The following STARD9 variants were observed in gnomAD, a reference collection of about 807,000 sequenced individuals.
The protein encoded by STARD9 is stAR-related lipid transfer protein 9.
Under a neutral mutation model 399.8 loss-of-function variants are expected in STARD9, and 346 were observed. The observed-to-expected ratio is 0.87, with a 90% CI of 0.79 to 0.95. The LOEUF (loss-of-function observed/expected upper bound fraction) is 0.95. STARD9 is among the 40% of genes least tolerant of loss of function. The pLI is 0.00. For synonymous variants in STARD9, 2,203 were observed against 2,143.5 expected, an observed-to-expected ratio of 1.03 and a Z score of -0.77; for missense variants, 5,832 against 5,667.5, an observed-to-expected ratio of 1.03 and a Z score of -0.93.
chr15:42,684,977 C>T lies in STARD9; in HGVS notation c.3399C>T (p.Phe1133=). The T allele has an allele frequency of 6.5e-7, 1 of 1,537,024 alleles. No homozygotes were observed. The highest frequency in any genetic ancestry group is 8.7e-7 in the Non-Finnish European group (1 of 1,146,926). The change falls in exon 23 of 33, where the codon TTC becomes TTT. Residue 1133 remains phenylalanine, a synonymous_variant. Transcript: ENST00000290607. ...PLKPEERKWD[F]PEPENSESDD... ...AGCCAGAGGAGAGGAAATGGGATTT[C>T]CCAGAGCCAGAGAACTCTGAAAGTG...
chr15:42,651,311 A>G (rs1009955177), intron 8 of STARD9, among the ~76,000 whole-genome samples: 1 of 152,162 alleles, frequency 6.6e-6, no homozygotes. Flanking sequence ...TTCTGGACAT[A>G]ATAATATTAG....
chr15:42,674,435 T>C lies in STARD9; in HGVS notation c.1498-5T>C, dbSNP rs2060267705. The stretch of plus-strand genomic sequence containing the variant: ...CTCATTAAAATGGCTTTTTTCCCCC[T>C]TTAGGAAGGGACAACAAAAATAGGA... On this transcript the variant is annotated splice_region_variant and splice_polypyrimidine_tract_variant and intron_variant, in intron 16 of 32. Coordinates refer to ENST00000290607, the MANE Select transcript of STARD9 (RefSeq NM_020759.3). 5 of 1,536,918 alleles carry C rather than the reference T, an allele frequency of 3.3e-6. No individual in the cohort carries two copies. The highest frequency in any genetic ancestry group is 1.7e-4 in the Middle Eastern group (1 of 5,990).
intron 9 of STARD9, among the ~76,000 whole-genome samples, chr15:42,660,655 G>T (rs2059977780): frequency 6.6e-6 from 1 of 151,906 alleles, no homozygotes; most frequent in South Asian, 2.1e-4. Context: ...ATTGAATCGG[G>T]GTTGGGGGCA....
intron 9 of STARD9, among the ~76,000 whole-genome samples, chr15:42,660,345 ACCTG>A (rs2059969706): frequency 6.6e-6 from 1 of 152,168 alleles, no homozygotes; most frequent in Admixed American, 6.5e-5. Context: ...CAGGCAGATC[ACCTG>A]AGGTCAGGAG....
chr15:42,674,839 A>C lies in STARD9; in HGVS notation c.1562A>C (p.Gln521Pro). 7 of 1,532,748 alleles carry C rather than the reference A, an allele frequency of 4.6e-6. No homozygotes were observed. Among genetic ancestry groups the C allele is most frequent in the Non-Finnish European group, 5.2e-6 (6 of 1,145,126 alleles). 94.9% of individuals were successfully genotyped at this position (1,532,748 alleles called of 1,614,324 possible). Reference sequence around the variant, plus strand: ...ACCTCTTTTGTAGTCCTGCAGGGTCAGTGGATTGAGAGAGACCACTGCACT... The same window carrying C: ...ACCTCTTTTGTAGTCCTGCAGGGTCCGTGGATTGAGAGAGACCACTGCACT... ...DQEQDIVLQG[Q>P]WIERDHCTIT... is the part of the protein sequence containing the mutation. The change falls in exon 18 of 33, where the codon CAG (glutamine) becomes CCG (proline). Residue 521 changes from glutamine (Q) to proline (P), a missense_variant. Coordinates refer to ENST00000290607, the MANE Select transcript of STARD9 (RefSeq NM_020759.3).
chr15:42,609,292 C>T (rs2141800462), intron 3 of STARD9, among the ~76,000 whole-genome samples: 1 of 152,296 alleles, frequency 6.6e-6, no homozygotes, highest in Middle Eastern at 3.4e-3. Flanking sequence ...GACCCAAGTC[C>T]TCTCTCTAAC....
intron 3 of STARD9, among the ~76,000 whole-genome samples, chr15:42,597,763 C>T (rs1470227117): frequency 6.6e-6 from 1 of 151,996 alleles, no homozygotes; most frequent in East Asian, 1.9e-4. Flanking sequence ...TCTCGAACTC[C>T]TGACCTCAGG....
At chr15:42,613,127 C>A (rs2058888093) in intron 3 of STARD9, among the ~76,000 whole-genome samples, 1 of 151,902 alleles carries the variant, frequency 6.6e-6, no homozygotes, top group African/African-American at 2.4e-5. Flanking sequence ...TTTCTGTATG[C>A]ATTTATGTAT....
rs2060648301 is a variant in STARD9 at position 42,689,840 on chromosome 15, A to G, written c.8262A>G (p.Arg2754=). ...LPSQAPYDDP[R]VTLHELSQSV... is the part of the protein sequence containing the mutation. Reference sequence around the variant, plus strand: ...CTCAGGCCCCTTATGATGATCCTAGAGTGACTCTGCATGAGCTAAGTCAGT... The same window carrying G: ...CTCAGGCCCCTTATGATGATCCTAGGGTGACTCTGCATGAGCTAAGTCAGT... The change falls in exon 23 of 33, where the codon AGA becomes AGG. Residue 2754 remains arginine (R), a synonymous_variant. Coordinates refer to ENST00000290607, the MANE Select transcript of STARD9 (RefSeq NM_020759.3). The G allele has an allele frequency of 6.5e-7, 1 of 1,537,214 alleles. No homozygotes were observed. The highest frequency in any genetic ancestry group is 1.4e-5 in the African/African-American group (1 of 73,020).
chr15:42,689,428 A>G lies in STARD9; in HGVS notation c.7850A>G (p.His2617Arg), dbSNP rs2060637911. 1 of 1,537,428 alleles carries G rather than the reference A, an allele frequency of 6.5e-7. No individual in the cohort carries two copies. The highest frequency in any genetic ancestry group is 1.2e-5 in the South Asian group (1 of 84,064). Residue 2617 changes from histidine to arginine, a missense_variant, in exon 23 of 33, where the codon CAT (histidine) becomes CGT (arginine). This residue lies in a region of STARD9 where 5,828 missense variants were observed against 5,651.1 expected (regional missense o/e 1.03). Coordinates refer to ENST00000290607, the MANE Select transcript of STARD9 (RefSeq NM_020759.3). ...AATGAGGGTGAAGCACCGGGATTTC[A>G]TGTGGCATCTCTATCTGCTGAAGCA... Reference protein sequence around the residue: ...TRNEGEAPGFHVASLSAEAGQ... With the variant: ...TRNEGEAPGFRVASLSAEAGQ...
chr15:42,665,214 T>C, intron 13 of STARD9, 39 bp from the exon 14 acceptor site: 1 of 1,486,476 alleles, frequency 6.7e-7, no homozygotes, highest in Non-Finnish European at 9.1e-7. Context: ...GAGTGGGACT[T>C]GATAACAATC....
chr15:42,578,109 T>G (rs1438596687), intron 1 of STARD9, among the ~76,000 whole-genome samples: 3 of 140,784 alleles, frequency 2.1e-5, no homozygotes, highest in Non-Finnish European at 4.5e-5. Context: ...ACGCTCAATT[T>G]TTTTTTTTTT....
chr15:42,614,266 G>A (rs531560646), intron 3 of STARD9, among the ~76,000 whole-genome samples: 9 of 151,352 alleles, frequency 5.9e-5, no homozygotes, highest in South Asian at 2.1e-4. Context: ...AGCCAAGATC[G>A]TGCCATTGCA....
At position 42,690,161 on chromosome 15, in the gene STARD9, G is replaced by C. The variant is rs956713272; in HGVS notation, c.8583G>C (p.Leu2861=). ...PKQDTILPGA[L]TRVALEAPTQ... ...AAGATACCATTCTGCCTGGAGCTCT[G>C]ACAAGGGTTGCACTGGAAGCTCCCA... The change falls in exon 23 of 33, where the codon CTG becomes CTC. Residue 2861 remains leucine, a synonymous_variant. Transcript: ENST00000290607. 6.6e-5 allele frequency: 102 copies of C among 1,537,708 alleles called. No homozygotes were observed. The highest frequency in any genetic ancestry group is 8.5e-5 in the Non-Finnish European group (97 of 1,147,046).
At chr15:42,701,919 G>T (rs1187987733) in intron 26 of STARD9, among the ~76,000 whole-genome samples, 1 of 151,086 alleles carries the variant, frequency 6.6e-6, no homozygotes, top group African/African-American at 2.4e-5. Context: ...GCTTGAACCC[G>T]GGAGGGTGGA....
Position 42,689,432 on chromosome 15 carries a change from G to T in STARD9, c.7854G>T (p.Val2618=). The T allele has an allele frequency of 6.5e-7, 1 of 1,537,364 alleles. No individual in the cohort carries two copies. The highest frequency in any genetic ancestry group is 8.7e-7 in the Non-Finnish European group (1 of 1,146,930). ...AGGGTGAAGCACCGGGATTTCATGT[G>T]GCATCTCTATCTGCTGAAGCAGGGC... The part of the protein sequence containing the change: ...RNEGEAPGFH[V]ASLSAEAGQI... Residue 2618 remains valine (V), a synonymous_variant, in exon 23 of 33, where the codon GTG becomes GTT. Coordinates refer to ENST00000290607, the MANE Select transcript of STARD9 (RefSeq NM_020759.3).
Position 42,630,369 on chromosome 15 carries a change from A to G in STARD9, c.235-4487A>G, listed in dbSNP as rs879583424. Among the ~76,000 whole-genome samples, 24 of 152,172 alleles carry G rather than the reference A, an allele frequency of 1.6e-4. 1 individual carries two copies. The highest frequency in any genetic ancestry group is 8.5e-4 in the Admixed American group (13 of 15,274). The stretch of plus-strand genomic sequence containing the variant: ...TATTTTGTTGAAGATTTTTGCATCA[A>G]TGTTCATCAGGGATATTAGCCTGTA... On this transcript the variant is annotated intron_variant, in intron 3 of 32. Coordinates refer to ENST00000290607, the MANE Select transcript of STARD9 (RefSeq NM_020759.3).
intron 1 of STARD9, among the ~76,000 whole-genome samples, chr15:42,577,276 C>T (rs1196480587): frequency 1.3e-5 from 2 of 152,112 alleles, no homozygotes; most frequent in Non-Finnish European, 2.9e-5. Context: ...GCCTCAGCCT[C>T]CCCAGCAGCT....
intron 20 of STARD9, among the ~76,000 whole-genome samples, chr15:42,676,974 T>C (rs981512273): frequency 2.0e-5 from 3 of 151,008 alleles, no homozygotes; most frequent in African/African-American, 7.3e-5. Context: ...TGATCAGGGC[T>C]GGGCACGGTG....
Sources: gnomAD v4.1 joint callset for allele counts (sites outside exome capture counted in the v4.1 genomes callset) on GRCh38, gnomAD v4.1.1 for gene constraint, gnomAD v4.1.1 regional missense constraint, MANE v1.5 for transcripts, NCBI Gene and HGNC (gene_info 2026-07-23, HGNC 2026-07-21) for gene names.